The following FARP1 variants were observed in gnomAD, a reference collection of about 807,000 sequenced individuals.
FARP1 encodes FERM, ARHGEF and pleckstrin domain-containing protein 1.
FARP1 carries 52 observed loss-of-function variants against 128.8 expected under a neutral mutation model. That is an observed-to-expected ratio of 0.40 (90% CI 0.32 to 0.51). The LOEUF (loss-of-function observed/expected upper bound fraction) is 0.51, where lower values mean the gene tolerates loss of function less well. FARP1 is among the 20% of genes least tolerant of loss of function. FARP1 has a pLI of 0.45. For synonymous variants in FARP1, 580 were observed against 551.8 expected, an observed-to-expected ratio of 1.05 and a Z score of -0.72; for missense variants, 1,333 against 1,367.9, an observed-to-expected ratio of 0.97 and a Z score of 0.40.
At chr13:98,428,445 G>A (rs3783012) in intron 17 of FARP1, among the ~76,000 whole-genome samples, 9,385 of 152,054 alleles carry the variant, frequency 0.062, 701 homozygotes, top group East Asian at 0.31. Context: ...CCTGCTAGGC[G>A]ACCAGGCCAG....
chr13:98,410,806 C>G lies in FARP1; in HGVS notation c.1675C>G (p.Leu559Val). 2.5e-6 allele frequency: 4 copies of G among 1,584,888 alleles called. No individual in the cohort carries two copies. The highest frequency in any genetic ancestry group is 1.3e-5 in the African/African-American group (1 of 74,524). ...STTERTYLKD[L>V]EVITSWFQST... is the part of the protein sequence containing the mutation. ...CACCGAGCGAACATATCTGAAGGAT[C>G]TCGAAGTTATCACTTCGGTATGTGC... Residue 559 changes from leucine (L) to valine (V), a missense_variant, in exon 15 of 27, where the codon CTC becomes GTC. Around this residue, in one of 2 missense-constraint regions of FARP1, gnomAD observed 1,009 missense variants for 969.8 expected, o/e 1.04. Transcript: ENST00000319562.
chr13:98,240,555 T>C (rs574476311), intron 2 of FARP1, among the ~76,000 whole-genome samples: 3 of 152,282 alleles, frequency 2.0e-5, no homozygotes, highest in African/African-American at 7.2e-5. Flanking sequence ...CCAGATACTT[T>C]GTTGGTGGAT....
chr13:98,317,201 A>AG (rs1340101699), intron 2 of FARP1, among the ~76,000 whole-genome samples: 1 of 152,228 alleles, frequency 6.6e-6, no homozygotes, highest in Non-Finnish European at 1.5e-5. Flanking sequence ...GAGAGAGAGA[A>AG]GGGAGAGCAA....
At chr13:98,313,362 G>A (rs1886576706) in intron 2 of FARP1, among the ~76,000 whole-genome samples, 1 of 151,806 alleles carries the variant, frequency 6.6e-6, no homozygotes, top group Admixed American at 6.6e-5. Context: ...GCAGGCCCAG[G>A]GAGAAGGCCG....
At chr13:98,234,884 T>G (rs908372484) in intron 2 of FARP1, among the ~76,000 whole-genome samples, 14 of 152,182 alleles carry the variant, frequency 9.2e-5, no homozygotes, top group Non-Finnish European at 1.5e-5. Flanking sequence ...CACTCCCAAC[T>G]TCTCCATTTT....
chr13:98,277,109 T>TAC (rs368911842), intron 2 of FARP1, among the ~76,000 whole-genome samples: 1,778 of 118,178 alleles, frequency 0.015, 34 homozygotes, highest in African/African-American at 0.038. Context: ...TCTAGAAAAA[T>TAC]ACACACACAC....
Position 98,176,877 on chromosome 13 carries a change from C to T in FARP1, c.-24+33385C>T, listed in dbSNP as rs1392026814. Reference sequence around the variant, plus strand: ...TGAGGATGGTCGGCGTATGGTGCTCCTTCTCGGTGTCCTGCTCGAAGTCAG... The same window carrying T: ...TGAGGATGGTCGGCGTATGGTGCTCTTTCTCGGTGTCCTGCTCGAAGTCAG... On this transcript the variant is annotated intron_variant, in intron 1 of 26. Coordinates refer to ENST00000319562, the MANE Select transcript of FARP1 (RefSeq NM_005766.4). The surrounding 1 kb of genome is among the most constrained non-coding windows in gnomAD (Gnocchi z 6.2). 1.7e-5 allele frequency: 28 copies of T among 1,607,692 alleles called. 1 individual carries two copies. In the East Asian group the frequency reaches 6.2e-4, roughly 36 times the overall value.
intron 8 of FARP1, 63 bp downstream of exon 8, chr13:98,385,877 A>C: frequency 6.4e-7 from 1 of 1,553,430 alleles, no homozygotes; most frequent in Non-Finnish European, 8.8e-7. Flanking sequence ...CTGGCCCTTC[A>C]ACTCTGATTC....
chr13:98,232,243 T>G (rs1473041862), intron 2 of FARP1, among the ~76,000 whole-genome samples: 2 of 150,526 alleles, frequency 1.3e-5, no homozygotes, highest in African/African-American at 2.5e-5. Flanking sequence ...AAACTACAGT[T>G]TGGTATACAG....
intron 2 of FARP1, among the ~76,000 whole-genome samples, chr13:98,233,421 G>A (rs371769453): frequency 4.6e-5 from 7 of 152,124 alleles, no homozygotes; most frequent in East Asian, 3.9e-4. Context: ...GTGTGCTCTC[G>A]GTGAGCAGGT....
At chr13:98,301,894 T>C (rs9300475) in intron 2 of FARP1, among the ~76,000 whole-genome samples, 134,218 of 152,054 alleles carry the variant, frequency 0.88, 59,299 homozygotes, top group East Asian at 1. Flanking sequence ...GCAACAGCCT[T>C]GTTAATTCGG....
chr13:98,208,645 C>G (rs191657866), intron 1 of FARP1: 1 of 152,882 alleles, frequency 6.5e-6, no homozygotes, highest in African/African-American at 2.4e-5. Flanking sequence ...TTTGATGGAC[C>G]GTAGGTGAGG....
chr13:98,395,744 T>C (rs1890511554), intron 13 of FARP1: 1 of 423,078 alleles, frequency 2.4e-6, no homozygotes, highest in African/African-American at 2.0e-5. Flanking sequence ...GGAGAATTCC[T>C]TGATGACGAT....
At chr13:98,246,122 A>G (rs1594316985) in intron 2 of FARP1, among the ~76,000 whole-genome samples, 1 of 69,988 alleles carries the variant, frequency 1.4e-5, no homozygotes, top group African/African-American at 5.8e-5. Context: ...TTTGAGACGG[A>G]GTCTCGCTGT....
chr13:98,325,374 T>G (rs1430765326), intron 2 of FARP1, among the ~76,000 whole-genome samples: 1 of 152,216 alleles, frequency 6.6e-6, no homozygotes, highest in Non-Finnish European at 1.5e-5. Flanking sequence ...GTTCTGTTTC[T>G]GGTACTCTAT....
At chr13:98,285,559 A>C (rs1885126264) in intron 2 of FARP1, among the ~76,000 whole-genome samples, 2 of 152,282 alleles carry the variant, frequency 1.3e-5, no homozygotes, top group African/African-American at 4.8e-5. Context: ...CAGAAATTTG[A>C]AACCTAAGTG....
At chr13:98,276,715 T>A (rs1884669962) in intron 2 of FARP1, among the ~76,000 whole-genome samples, 1 of 152,204 alleles carries the variant, frequency 6.6e-6, no homozygotes, top group Non-Finnish European at 1.5e-5. Context: ...AAATAGAAGT[T>A]AGGTTCCTAG....
intron 2 of FARP1, among the ~76,000 whole-genome samples, chr13:98,270,316 C>T (rs114776506): frequency 1.3e-5 from 2 of 151,950 alleles, no homozygotes; most frequent in Admixed American, 1.3e-4. Context: ...TTCACACATC[C>T]TCAGTAATAT....
intron 13 of FARP1, chr13:98,398,866 T>C (rs574878124): frequency 8.2e-6 from 1 of 122,036 alleles, no homozygotes; most frequent in South Asian, 2.5e-4. Flanking sequence ...GATTGAGCAC[T>C]AGGTATGAAC....
Sources: allele counts gnomAD v4.1 joint callset (sites outside exome capture counted in the v4.1 genomes callset), GRCh38; gene constraint gnomAD v4.1.1; regional missense constraint gnomAD v4.1.1; non-coding constraint Gnocchi (gnomAD v3.1); transcripts MANE v1.5; gene names NCBI Gene and HGNC (gene_info 2026-07-23, HGNC 2026-07-21).